Variants in ATAD2B observed in about 807,000 individuals in gnomAD.
ATAD2B encodes ATPase family AAA domain-containing protein 2B.
ATAD2B carries 40 observed loss-of-function variants against 167.6 expected under a neutral mutation model. The observed-to-expected ratio is 0.24, with a 90% CI of 0.19 to 0.31. The LOEUF is 0.31. Among genes scored for constraint, ATAD2B ranks in the 10% least tolerant of loss-of-function variants. ATAD2B has a pLI of 1.00. For missense variants in ATAD2B, 1,242 were observed against 1,757.2 expected (o/e 0.71, Z 5.24); for synonymous variants, 579 against 596.5 (o/e 0.97, Z 0.43).
At chr2:23,712,466 T>G in the ATAD2B span, among the ~76,000 whole-genome samples, 1 of 152,166 alleles carries the variant, frequency 6.6e-6, no homozygotes, top group Non-Finnish European at 1.5e-5. Context: ...CATTAGAAAC[T>G]CCTGCTGTGA....
chr2:23,894,588 C>G (rs1048927558), intron 2 of ATAD2B, among the ~76,000 whole-genome samples: 1 of 151,922 alleles, frequency 6.6e-6, no homozygotes, highest in Non-Finnish European at 1.5e-5. Flanking sequence ...TTAAAATCAT[C>G]TTAAAAGCCC....
At chr2:23,703,444 G>A in the ATAD2B span, 1 of 1,339,976 alleles carries the variant, frequency 7.5e-7, no homozygotes, top group Non-Finnish European at 9.9e-7. Context: ...GATTTGTTCA[G>A]TATCCCATGC....
At chr2:23,789,358 A>AT (rs1485931927) in intron 19 of ATAD2B, among the ~76,000 whole-genome samples, 2 of 152,106 alleles carry the variant, frequency 1.3e-5, no homozygotes, top group Non-Finnish European at 2.9e-5. Context: ...ACTGTATTTA[A>AT]TTTTTATGGT....
chr2:23,791,476 T>TG (rs1681715974), intron 19 of ATAD2B, among the ~76,000 whole-genome samples: 2 of 152,198 alleles, frequency 1.3e-5, no homozygotes, highest in African/African-American at 4.8e-5. Context: ...CACTTTTTTT[T>TG]TTTTTTTGCA....
chr2:23,855,631 C>T (rs1222265550), intron 13 of ATAD2B, among the ~76,000 whole-genome samples: 2 of 152,346 alleles, frequency 1.3e-5, no homozygotes, highest in East Asian at 1.9e-4. Context: ...CACACAAAAA[C>T]TTGTAGAGAC....
intron 1 of ATAD2B, among the ~76,000 whole-genome samples, chr2:23,902,844 T>A (rs748226782): frequency 6.6e-6 from 1 of 152,130 alleles, no homozygotes. Flanking sequence ...GGCGGTAGGA[T>A]CCTTGTGGCC....
intron 17 of ATAD2B, among the ~76,000 whole-genome samples, chr2:23,814,427 T>TTTAA (rs1301800478): frequency 6.6e-6 from 1 of 152,128 alleles, no homozygotes; most frequent in Non-Finnish European, 1.5e-5. Context: ...AGGGGTACTG[T>TTTAA]TTAAGTACAC....
chr2:23,844,531 T>C (rs1691430152), intron 13 of ATAD2B, among the ~76,000 whole-genome samples: 1 of 152,196 alleles, frequency 6.6e-6, no homozygotes, highest in Non-Finnish European at 1.5e-5. Context: ...ATTATAACTA[T>C]ATTCCAGATA....
intron 1 of ATAD2B, among the ~76,000 whole-genome samples, chr2:23,903,995 G>C (rs1701165403): frequency 6.6e-6 from 1 of 152,100 alleles, no homozygotes; most frequent in African/African-American, 2.4e-5. Context: ...CCAGGGAACA[G>C]GTGATGACGG....
Position 23,887,157 on chromosome 2 carries a change from G to A in ATAD2B, c.572+675C>T, listed in dbSNP as rs181254694. Among the ~76,000 whole-genome samples, 335 of 152,026 alleles carry A rather than the reference G, an allele frequency of 2.2e-3. 2 individuals carry two copies. The highest frequency in any genetic ancestry group is 7.5e-3 in the African/African-American group (311 of 41,484). On this transcript the variant is annotated intron_variant, in intron 4 of 27. Transcript: ENST00000238789. ...CACGCGCCTATAGTCCCAGCTGCTC[G>A]GAAGGCTGAGGCAGGAGAATCATTT...
intron 7 of ATAD2B, among the ~76,000 whole-genome samples, chr2:23,879,013 T>A (rs1314930344): frequency 1.3e-5 from 2 of 152,146 alleles, no homozygotes; most frequent in Non-Finnish European, 2.9e-5. Flanking sequence ...GTATACCAAT[T>A]GTTGGCAAGA....
chr2:23,872,330 T>A (rs1696119918), intron 8 of ATAD2B: 1 of 583,420 alleles, frequency 1.7e-6, no homozygotes, highest in African/African-American at 1.8e-5. Flanking sequence ...ATGCACCTGA[T>A]GGTCTTCAAG....
At chr2:23,758,132 A>G in intron 24 of ATAD2B, 31 bp from the exon 25 acceptor site, 1 of 1,483,594 alleles carries the variant, frequency 6.7e-7, no homozygotes, top group South Asian at 1.4e-5. Flanking sequence ...AAAGATATGT[A>G]GAACTTGGAA....
At chr2:23,770,548 C>CT (rs1444317413) in intron 22 of ATAD2B, among the ~76,000 whole-genome samples, 4 of 152,172 alleles carry the variant, frequency 2.6e-5, no homozygotes, top group East Asian at 3.9e-4. Context: ...CATACAAAGT[C>CT]TTTTTTTGCA....
chr2:23,746,317 T>C (rs1674877767), downstream of ATAD2B, among the ~76,000 whole-genome samples: 1 of 152,222 alleles, frequency 6.6e-6, no homozygotes, highest in Admixed American at 6.5e-5. Context: ...TATAACTCAG[T>C]TTCCTGATCT....
chr2:23,824,089 C>T (rs902927295), intron 15 of ATAD2B, among the ~76,000 whole-genome samples: 5 of 152,150 alleles, frequency 3.3e-5, no homozygotes, highest in African/African-American at 9.7e-5. Flanking sequence ...GCTAGGACTA[C>T]GGGCATGTGC....
the ATAD2B span, among the ~76,000 whole-genome samples, chr2:23,710,271 A>C: frequency 1.3e-5 from 2 of 151,670 alleles, no homozygotes; most frequent in Admixed American, 1.3e-4. Context: ...ATAGGTCTTA[A>C]ACAGACCTAA....
intron 17 of ATAD2B, 28 bp from the exon 18 acceptor site, chr2:23,810,530 T>A (rs1350440047): frequency 7.0e-6 from 11 of 1,568,994 alleles, no homozygotes; most frequent in Non-Finnish European, 9.6e-6. Context: ...CATAATTATT[T>A]CAAAGGCATA....
the ATAD2B span, among the ~76,000 whole-genome samples, chr2:23,743,261 T>G: frequency 0.13 from 20,512 of 152,046 alleles, 1,804 homozygotes; most frequent in Non-Finnish European, 0.18. Context: ...ACCTTACATG[T>G]TTGGTGATAC....
Sources: gnomAD v4.1 joint callset for allele counts (sites outside exome capture counted in the v4.1 genomes callset) on GRCh38, gnomAD v4.1.1 for gene constraint, MANE v1.5 for transcripts, NCBI Gene and HGNC (gene_info 2026-07-23, HGNC 2026-07-21) for gene names.